MUC4: variants seen among roughly 807,000 people sequenced by gnomAD.
MUC4 encodes the protein mucin-4.
Under a neutral mutation model 257.9 loss-of-function variants are expected in MUC4, and 202 were observed. The ratio of observed to expected loss-of-function variants is 0.78; its 90% CI spans 0.70 to 0.88. MUC4 has a LOEUF of 0.88. Among genes scored for constraint, MUC4 ranks in the 40% least tolerant of loss-of-function variants. MUC4 has a pLI of 0.00. For missense variants in MUC4, 5,976 were observed against 6,513.7 expected (o/e 0.92, Z 2.84); for synonymous variants, 2,351 against 2,757.1 (o/e 0.85, Z 4.62).
chr3:195,770,814 A>G, intron 5 of MUC4: 1 of 454,358 alleles, frequency 2.2e-6, no homozygotes, highest in Non-Finnish European at 4.4e-6. Flanking sequence ...CTCTGATTGG[A>G]GTTATTCACC....
intron 18 of MUC4, among the ~76,000 whole-genome samples, chr3:195,756,345 C>A (rs1213171970): frequency 6.6e-6 from 1 of 152,220 alleles, no homozygotes; most frequent in African/African-American, 2.4e-5. Flanking sequence ...GGACCCACAA[C>A]CACCTTCCAC....
intron 16 of MUC4, among the ~76,000 whole-genome samples, chr3:195,760,047 TAGTTGCTTCAC>T (rs1380996603): frequency 1.3e-5 from 2 of 150,808 alleles, no homozygotes; most frequent in Admixed American, 1.3e-4. Flanking sequence ...TTCCATTTCA[TAGTTGCTTCAC>T]ACATTCATTC....
Position 195,784,636 on chromosome 3 carries a change from G to C in MUC4, c.6944C>G (p.Thr2315Arg), listed in dbSNP as rs1483696471. ...GACAGGAAGAGGGGTGGCGTGACCT[G>C]TGGATGCTGAGGAAGCGTCGGTGAC... ...LHVTDASSAS[T>R]GHATPLPVTS... Residue 2315 changes from threonine to arginine, a missense_variant, in exon 2 of 25, where the codon ACA becomes AGA. Thr to Arg is a moderately conservative substitution (Grantham distance 71). Around this residue, in one of 44 missense-constraint regions of MUC4, gnomAD observed 62 missense variants for 74.0 expected, o/e 0.84. Transcript: ENST00000463781. 3.6e-6 allele frequency: 5 copies of C among 1,394,706 alleles called. No individual in the cohort carries two copies. In the East Asian group the frequency reaches 8.2e-5, roughly 23 times the overall value. The allele number at this position is 1,394,706 out of a possible 1,614,324, so 86.4% of individuals were successfully genotyped here. A position where few individuals can be genotyped will look rare whatever the true frequency, so the allele number is the denominator to read the frequency against.
rs1720267292 is a variant in MUC4 at position 195,765,524 on chromosome 3, C to G, written c.13619-75G>C. ...GGCCCTGTCTCAGCTTTAGGGTCAACCAAAACTCACAAATGCACCCCCTCC... is the reference window on the plus strand; with the variant it reads ...GGCCCTGTCTCAGCTTTAGGGTCAAGCAAAACTCACAAATGCACCCCCTCC... On this transcript the variant is annotated intron_variant, in intron 8 of 24. Coordinates refer to ENST00000463781, the MANE Select transcript of MUC4 (RefSeq NM_018406.7). 4 of 1,436,806 alleles carry G rather than the reference C, an allele frequency of 2.8e-6. No homozygotes were observed. In the Admixed American group the frequency reaches 8.9e-5, roughly 32 times the overall value. The allele number at this position is 1,436,806 out of a possible 1,614,324, so 89.0% of individuals were successfully genotyped here. A position where few individuals can be genotyped will look rare whatever the true frequency, so the allele number is the denominator to read the frequency against.
In MUC4 at chr3:195,810,840, G is replaced by T. The variant is rs776264860; in HGVS notation, c.82+896C>A. Among the ~76,000 whole-genome samples, 10 of 151,814 alleles carry T rather than the reference G, an allele frequency of 6.6e-5. No homozygotes were observed. Among genetic ancestry groups the T allele is most frequent in the Non-Finnish European group, 1.3e-4 (9 of 67,998 alleles). On this transcript the variant is annotated intron_variant, in intron 1 of 24. Transcript: ENST00000463781. The surrounding 1 kb of genome is among the most constrained non-coding windows in gnomAD (Gnocchi z 4.2). Reference sequence around the variant, plus strand: ...TGCAGCTTTACATGAGTTTTCTTCCGTCTCCATCACCCAGCTTTCCTGGCA... The same window carrying T: ...TGCAGCTTTACATGAGTTTTCTTCCTTCTCCATCACCCAGCTTTCCTGGCA...
chr3:195,786,238 C>G lies in MUC4; in HGVS notation c.5342G>C (p.Gly1781Ala). Residue 1781 changes from glycine (G) to alanine (A), a missense_variant, in exon 2 of 25, where the codon GGC (glycine) becomes GCC (alanine). By Grantham distance (60) the Gly-to-Ala change is moderately conservative. Transcript: ENST00000463781. ...GTCATCTGTGGAAGCTGAAGAAAGGCCGGTGACAGGAAGTGGGGTGGCGTG... is the reference window on the plus strand; with the variant it reads ...GTCATCTGTGGAAGCTGAAGAAAGGGCGGTGACAGGAAGTGGGGTGGCGTG... ...TAHATPLPVT[G>A]LSSASTDDTT... is the part of the protein sequence containing the mutation. The G allele has an allele frequency of 6.8e-7, 1 of 1,470,334 alleles. No homozygotes were observed. Among genetic ancestry groups the G allele is most frequent in the South Asian group, 1.2e-5 (1 of 80,200 alleles). 91.1% of individuals were successfully genotyped at this position (1,470,334 alleles called of 1,614,324 possible).
chr3:195,750,585 T>C (rs1487047718), intron 23 of MUC4: 45 of 495,150 alleles, frequency 9.1e-5, no homozygotes, highest in African/African-American at 8.2e-4. Flanking sequence ...TTAAGTGCAA[T>C]GGCATTTTAA....
chr3:195,748,921 G>A lies in MUC4; in HGVS notation c.16015C>T (p.Pro5339Ser), dbSNP rs774750951. The A allele has an allele frequency of 1.9e-6, 3 of 1,589,174 alleles. No individual in the cohort carries two copies. The highest frequency in any genetic ancestry group is 2.6e-6 in the Non-Finnish European group (3 of 1,168,048). The change falls in exon 24 of 25, where the codon CCC becomes TCC. Residue 5339 changes from proline to serine, a missense_variant. Pro to Ser is a moderately conservative substitution (Grantham distance 74, BLOSUM62 -1). This residue lies in a region of MUC4 where 310 missense variants were observed against 242.1 expected (regional missense o/e 1.28). Coordinates refer to ENST00000463781, the MANE Select transcript of MUC4 (RefSeq NM_018406.7). ...CDHGGQCQHL[P>S]SGPRCSCVSF... ...ATGCACCTGCAGCGGGGCCCACTGG[G>A]CAGGTGCTGGCACTGGCCTCCATGG... is the stretch of plus-strand genomic sequence containing the variant.
In MUC4 at chr3:195,801,577, CTG is replaced by C. The variant is rs1377226322; in HGVS notation, c.83-10082_83-10081del. Among the ~76,000 whole-genome samples the C allele has an allele frequency of 9.2e-5, 14 of 152,252 alleles. No individual in the cohort carries two copies. In the East Asian group the frequency reaches 2.7e-3, roughly 29 times the overall value. ...GGCCTAAAACAAGTCTGTCATCCGT[CTG>C]TGTCCTCCTCGTCCCTCCAGCAGCA... is the stretch of plus-strand genomic sequence containing the variant. On this transcript the variant is annotated intron_variant, in intron 1 of 24. Coordinates refer to ENST00000463781, the MANE Select transcript of MUC4 (RefSeq NM_018406.7).
chr3:195,776,039 GCCATAACTTCCACAC>G (rs1724588747), intron 3 of MUC4, among the ~76,000 whole-genome samples: 1 of 22,730 alleles, frequency 4.4e-5, no homozygotes, highest in African/African-American at 2.5e-4. Context: ...ACCTTCCACG[GCCATAACTTCCACAC>G]CCATACCTTC....
chr3:195,749,364 A>G (rs1386161609), intron 23 of MUC4, among the ~76,000 whole-genome samples: 2 of 152,236 alleles, frequency 1.3e-5, no homozygotes. Flanking sequence ...GTTCCTATGG[A>G]AAATGCTTTC....
At position 195,785,675 on chromosome 3, in the gene MUC4, G is replaced by T; in HGVS notation, c.5905C>A (p.Leu1969Ile). ...ACTGAGGAAGCGTCGGTGACAGGAA[G>T]AGAGGTGGCGTGACCTGTGGGTACT... ...SSVPTGHATS[L>I]PVTDASSVST... Residue 1969 changes from leucine to isoleucine, a missense_variant, in exon 2 of 25, where the codon CTT becomes ATT. By Grantham distance (5) the Leu-to-Ile change is conservative. This residue lies in a region of MUC4 where 87 missense variants were observed against 104.6 expected (regional missense o/e 0.83). Transcript: ENST00000463781. 1 of 1,506,478 alleles carries T rather than the reference G, an allele frequency of 6.6e-7. No individual in the cohort carries two copies. Among genetic ancestry groups the T allele is most frequent in the Non-Finnish European group, 8.9e-7 (1 of 1,120,742 alleles). 93.3% of individuals were successfully genotyped at this position (1,506,478 alleles called of 1,614,324 possible).
chr3:195,781,612 G>A lies in MUC4; in HGVS notation c.9968C>T (p.Thr3323Ile), dbSNP rs1728089695. Reference sequence around the variant, plus strand: ...GACATGAAGAGGGGTGGCGTGACCTGTGGATGCTGAGGAAGCGTCGGTGAC... The same window carrying A: ...GACATGAAGAGGGGTGGCGTGACCTATGGATGCTGAGGAAGCGTCGGTGAC... ...LLVTDASSAS[T>I]GHATPLHVTS... Residue 3323 changes from threonine to isoleucine, a missense_variant, in exon 2 of 25, where the codon ACA becomes ATA. By Grantham distance (89) the Thr-to-Ile change is moderately conservative. Around this residue, in one of 44 missense-constraint regions of MUC4, gnomAD observed 72 missense variants for 33.5 expected, o/e 2.15. Transcript: ENST00000463781. 2 of 536,856 alleles carry A rather than the reference G, an allele frequency of 3.7e-6. No homozygotes were observed. Among genetic ancestry groups the A allele is most frequent in the Non-Finnish European group, 5.2e-6 (2 of 381,988 alleles). 33.3% of individuals were successfully genotyped at this position (536,856 alleles called of 1,614,324 possible). A position where few individuals can be genotyped will look rare whatever the true frequency, so the allele number is the denominator to read the frequency against.
Position 195,784,885 on chromosome 3 carries a change from G to A in MUC4, c.6695C>T (p.Ser2232Leu), listed in dbSNP as rs1295241376. Reference sequence around the variant, plus strand: ...AGGGGTGGCCTGTCCTGTGGATGCTGAGGAAGTGTCGGTGACAAGAAGAGG... The same window carrying A: ...AGGGGTGGCCTGTCCTGTGGATGCTAAGGAAGTGTCGGTGACAAGAAGAGG... ...AIPLLVTDTS[S>L]ASTGQATPLP... Residue 2232 changes from serine (S) to leucine (L), a missense_variant, in exon 2 of 25, where the codon TCA (serine) becomes TTA (leucine). This residue lies in a region of MUC4 where 85 missense variants were observed against 325.0 expected (regional missense o/e 0.26). Coordinates refer to ENST00000463781, the MANE Select transcript of MUC4 (RefSeq NM_018406.7). 1 of 1,440,130 alleles carries A rather than the reference G, an allele frequency of 6.9e-7. No individual in the cohort carries two copies. Among genetic ancestry groups the A allele is most frequent in the Non-Finnish European group, 9.4e-7 (1 of 1,060,088 alleles). 89.2% of individuals were successfully genotyped at this position (1,440,130 alleles called of 1,614,324 possible). A position where few individuals can be genotyped will look rare whatever the true frequency, so the allele number is the denominator to read the frequency against.
chr3:195,799,955 C>T (rs1469874101), intron 1 of MUC4, among the ~76,000 whole-genome samples: 2 of 152,200 alleles, frequency 1.3e-5, no homozygotes, highest in African/African-American at 4.8e-5. Context: ...GGCCCCATCC[C>T]TCACCTGCTG....
chr3:195,749,159 G>C, intron 23 of MUC4, 95 bp from the exon 24 acceptor site: 2 of 1,463,672 alleles, frequency 1.4e-6, no homozygotes, highest in South Asian at 2.5e-5. Flanking sequence ...TGTTTATCCT[G>C]AGAAATAATT....
chr3:195,770,529 T>C (rs1722572175), intron 5 of MUC4, 158 bp from the exon 6 acceptor site: 2 of 732,484 alleles, frequency 2.7e-6, no homozygotes, highest in Non-Finnish European at 4.5e-6. Context: ...TTTTCTGAGG[T>C]GAAGTTCAAT....
chr3:195,778,677 T>G, intron 2 of MUC4, 113 bp downstream of exon 2: 1 of 1,339,538 alleles, frequency 7.5e-7, no homozygotes, highest in Non-Finnish European at 1.0e-6. Flanking sequence ...CTGTGGGACC[T>G]GACACGGCCC....
At chr3:195,798,652 C>T (rs186357836) in intron 1 of MUC4, among the ~76,000 whole-genome samples, 1,639 of 151,770 alleles carry the variant, frequency 0.011, 33 homozygotes, top group African/African-American at 0.037. Context: ...TGCAGTGAGC[C>T]GAGATTGCAC....
Sources: gnomAD v4.1 joint callset for allele counts (sites outside exome capture counted in the v4.1 genomes callset) on GRCh38, gnomAD v4.1.1 for gene constraint, gnomAD v4.1.1 regional missense constraint, Gnocchi (gnomAD v3.1) non-coding constraint, MANE v1.5 for transcripts, NCBI Gene and HGNC (gene_info 2026-07-23, HGNC 2026-07-21) for gene names.